The following SLC33A1 variants were observed in gnomAD, a reference collection of about 807,000 sequenced individuals.
The protein encoded by SLC33A1 is solute carrier family 33 member 1, also known as acetyl-coenzyme A transporter 1.
A neutral mutation model predicts 50.0 loss-of-function variants in SLC33A1; 20 were observed. The observed-to-expected ratio is 0.40, with a 90% CI of 0.28 to 0.58. SLC33A1 has a LOEUF of 0.58. Ranked by LOEUF, SLC33A1 falls within the 20% of genes least tolerant of loss-of-function variation. The pLI, the probability that SLC33A1 is intolerant of heterozygous loss-of-function variation, is 0.44. For synonymous variants in SLC33A1, 265 were observed against 251.8 expected, an observed-to-expected ratio of 1.05 and a Z score of -0.50; for missense variants, 476 against 657.0, an observed-to-expected ratio of 0.72 and a Z score of 3.01.
chr3:155,853,835 C>G lies in SLC33A1; in HGVS notation c.163G>C (p.Asp55His), dbSNP rs1440060089. The G allele has an allele frequency of 6.2e-7, 1 of 1,605,318 alleles. No individual in the cohort carries two copies. Among genetic ancestry groups the G allele is most frequent in the Non-Finnish European group, 8.5e-7 (1 of 1,175,262 alleles). Residue 55 changes from aspartate to histidine, a missense_variant, in exon 1 of 6, where the codon GAT becomes CAT. Coordinates refer to ENST00000643144, the MANE Select transcript of SLC33A1 (RefSeq NM_004733.4). Reference sequence around the variant, plus strand: ...TTTAAGAAGTCGCCAGTGCCGGTATCCCCCAGAAGAGCTTCTCTGTCCCCT... The same window carrying G: ...TTTAAGAAGTCGCCAGTGCCGGTATGCCCCAGAAGAGCTTCTCTGTCCCCT... The part of the protein sequence containing the change: ...REGDREALLG[D>H]TGTGDFLKAP...
chr3:155,853,568 G>A lies in SLC33A1; in HGVS notation c.430C>T (p.Leu144Phe). ...VKNFGRRKSWLVPTQYILGLF... is the reference protein window; with the variant it reads ...VKNFGRRKSWFVPTQYILGLF... ...CCTAGTATATACTGTGTCGGGACAA[G>A]CCAAGATTTGCGACGACCGAAGTTC... Residue 144 changes from leucine to phenylalanine, a missense_variant, in exon 1 of 6, where the codon CTT (leucine) becomes TTT (phenylalanine). Leu to Phe is a conservative substitution (Grantham distance 22, BLOSUM62 0). Transcript: ENST00000643144. 1 of 1,614,180 alleles carries A rather than the reference G, an allele frequency of 6.2e-7. No individual in the cohort carries two copies. Among genetic ancestry groups the A allele is most frequent in the Non-Finnish European group, 8.5e-7 (1 of 1,180,014 alleles).
intron 5 of SLC33A1, 39 bp downstream of exon 5, chr3:155,829,649 G>C (rs777777930): frequency 1.5e-6 from 2 of 1,347,368 alleles, no homozygotes; most frequent in Non-Finnish European, 1.1e-6. Context: ...TAATATCTTA[G>C]TATTAGCTTA....
chr3:155,833,694 G>C, intron 3 of SLC33A1, 109 bp from the exon 4 acceptor site: 1 of 937,268 alleles, frequency 1.1e-6, no homozygotes, highest in Non-Finnish European at 1.7e-6. Context: ...ATCTAAACCT[G>C]TTAGGAGGTT....
At chr3:155,830,878 A>G (rs908048503) in intron 4 of SLC33A1, among the ~76,000 whole-genome samples, 2 of 152,238 alleles carry the variant, frequency 1.3e-5, no homozygotes, top group Admixed American at 6.5e-5. Flanking sequence ...AGTACTTAAA[A>G]GGCAAGAATT....
At chr3:155,849,211 G>A (rs1052488002) in intron 1 of SLC33A1, among the ~76,000 whole-genome samples, 12 of 151,820 alleles carry the variant, frequency 7.9e-5, no homozygotes, top group African/African-American at 2.9e-4. Flanking sequence ...CGCTGCACCT[G>A]GCCAGAACAT....
At chr3:155,828,913 T>G (rs574687818) in intron 5 of SLC33A1, among the ~76,000 whole-genome samples, 37 of 151,524 alleles carry the variant, frequency 2.4e-4, no homozygotes, top group African/African-American at 8.5e-4. Flanking sequence ...TTTTTTTTTT[T>G]TTTTTAAGAG....
Position 155,841,806 on chromosome 3 carries a change from G to A in SLC33A1, c.963+626C>T, listed in dbSNP as rs539998220. On this transcript the variant is annotated intron_variant, in intron 2 of 5. Coordinates refer to ENST00000643144, the MANE Select transcript of SLC33A1 (RefSeq NM_004733.4). Reference sequence around the variant, plus strand: ...TCTGTCGCTCCAGCTAGAGTGCCGTGGTGCTATCTCGGCTCACTGCAACCT... The same window carrying A: ...TCTGTCGCTCCAGCTAGAGTGCCGTAGTGCTATCTCGGCTCACTGCAACCT... Among the ~76,000 whole-genome samples, 396 of 151,986 alleles carry A rather than the reference G, an allele frequency of 2.6e-3. 3 individuals carry two copies. The highest frequency in any genetic ancestry group is 4.4e-3 in the Non-Finnish European group (297 of 67,994).
rs1330948137 is a variant in SLC33A1, at chr3:155,827,761, C to G, written c.*449G>C. 6.5e-6 allele frequency: 1 copy of G among 154,226 alleles called. No homozygotes were observed. Among genetic ancestry groups the G allele is most frequent in the Non-Finnish European group, 1.4e-5 (1 of 69,292 alleles). The allele number at this position is 154,226 out of a possible 1,614,324, so 9.6% of individuals were successfully genotyped here. A position where few individuals can be genotyped will look rare whatever the true frequency, so the allele number is the denominator to read the frequency against. The stretch of plus-strand genomic sequence containing the variant: ...TTTACAATTCAAAATAAGATTTTAA[C>G]TGCCAACAATGTCAGACTAGTTGTG... On this transcript the variant is annotated 3_prime_UTR_variant, in exon 6 of 6. Coordinates refer to ENST00000643144, the MANE Select transcript of SLC33A1 (RefSeq NM_004733.4).
At chr3:155,833,024 G>A (rs1752507343) in intron 4 of SLC33A1, among the ~76,000 whole-genome samples, 1 of 152,064 alleles carries the variant, frequency 6.6e-6, no homozygotes, top group Non-Finnish European at 1.5e-5. Flanking sequence ...GGCTGAGACA[G>A]GTGGATCACA....
chr3:155,851,589 A>G (rs1350298717), intron 1 of SLC33A1, among the ~76,000 whole-genome samples: 2 of 149,324 alleles, frequency 1.3e-5, no homozygotes, highest in Non-Finnish European at 3.0e-5. Flanking sequence ...TTTATTTTTG[A>G]GACAGAGTCT....
At chr3:155,849,976 A>T (rs367949610) in intron 1 of SLC33A1, among the ~76,000 whole-genome samples, 24 of 150,300 alleles carry the variant, frequency 1.6e-4, no homozygotes, top group African/African-American at 5.9e-4. Flanking sequence ...GCCTAGAAAT[A>T]CTCTGTGAAT....
At chr3:155,836,280 C>CAAAAAAAAAAAAAAAAAAAAA (rs57460942) in intron 2 of SLC33A1, among the ~76,000 whole-genome samples, 5 of 27,164 alleles carry the variant, frequency 1.8e-4, no homozygotes, top group African/African-American at 4.2e-4. Context: ...GAGACTCTGT[C>CAAAAAAAAAAAAAAAAAAAAA]AAAAAAAAAA....
chr3:155,843,156 G>A (rs1428048369), intron 1 of SLC33A1, among the ~76,000 whole-genome samples: 2 of 152,116 alleles, frequency 1.3e-5, no homozygotes, highest in Non-Finnish European at 2.9e-5. Context: ...AGGGGGTGGT[G>A]AGACATTACA....
In SLC33A1 at chr3:155,821,026, T is replaced by A. The variant is rs1752072143; in HGVS notation, c.*7184A>T. 1 of 152,152 alleles carries A rather than the reference T, an allele frequency of 6.6e-6. No individual in the cohort carries two copies. Among genetic ancestry groups the A allele is most frequent in the African/African-American group, 2.4e-5 (1 of 41,444 alleles). 9.4% of individuals were successfully genotyped at this position (152,152 alleles called of 1,614,324 possible). A position where few individuals can be genotyped will look rare whatever the true frequency, so the allele number is the denominator to read the frequency against. On this transcript the variant is annotated 3_prime_UTR_variant, in exon 6 of 6. Coordinates refer to ENST00000643144, the MANE Select transcript of SLC33A1 (RefSeq NM_004733.4). ...TTAATAAAAATGAAAACAAGATATT[T>A]CATTAATGTTTTATTTTTTAGAGAA...
chr3:155,845,712 G>A (rs900735649), intron 1 of SLC33A1, among the ~76,000 whole-genome samples: 2 of 152,168 alleles, frequency 1.3e-5, no homozygotes, highest in African/African-American at 4.8e-5. Context: ...ATGATAGCCA[G>A]TAGTCTTATT....
In SLC33A1 at chr3:155,841,048, CT is replaced by C. The variant is rs1386902091; in HGVS notation, c.963+1383del. ...TTTCATATTTTCTGAACTTTCCATT[CT>C]TTTTTTTTTTCTTGAGACCCCTGTC... On this transcript the variant is annotated intron_variant, in intron 2 of 5. Transcript: ENST00000643144. 7.1e-3 allele frequency among the ~76,000 whole-genome samples: 1,043 copies of C among 146,064 alleles called. 18 individuals carry two copies. Among genetic ancestry groups the C allele is most frequent in the African/African-American group, 0.024 (951 of 40,026 alleles).
chr3:155,844,169 AT>A (rs1302443527), intron 1 of SLC33A1, among the ~76,000 whole-genome samples: 1 of 152,070 alleles, frequency 6.6e-6, no homozygotes, highest in African/African-American at 2.4e-5. Context: ...AGACAGCATT[AT>A]TTGTTTAGAT....
rs762010317 is a variant in SLC33A1, at chr3:155,853,797, G to C, written c.201C>G (p.Ser67Arg). The C allele has an allele frequency of 9.3e-6, 15 of 1,612,426 alleles. No individual in the cohort carries two copies. Among genetic ancestry groups the C allele is most frequent in the South Asian group, 1.1e-5 (1 of 91,066 alleles). ...GTGDFLKAPQ[S>R]FRAELSSILL... ...AAATGCTGCTTAGTTCGGCCCGGAA[G>C]CTCTGTGGGGCTTTTAAGAAGTCGC... The change falls in exon 1 of 6, where the codon AGC (serine) becomes AGG (arginine). Residue 67 changes from serine (S) to arginine (R), a missense_variant. By Grantham distance (110) the Ser-to-Arg change is moderately radical (BLOSUM62 -1). Transcript: ENST00000643144.
At position 155,853,865 on chromosome 3, in the gene SLC33A1, G is replaced by C. The variant is rs1407731216; in HGVS notation, c.133C>G (p.Arg45Gly). ...AGAAGAGCTTCTCTGTCCCCTTCCC[G>C]GCCCGCTGAGTCCAAATGACTGTCA... ...WDDSHLDSAG[R>G]EGDREALLGD... The change falls in exon 1 of 6, where the codon CGG becomes GGG. Residue 45 changes from arginine to glycine, a missense_variant. Transcript: ENST00000643144. 6.3e-7 allele frequency: 1 copy of C among 1,579,506 alleles called. No homozygotes were observed. Among genetic ancestry groups the C allele is most frequent in the Non-Finnish European group, 8.6e-7 (1 of 1,162,764 alleles).
Sources: gnomAD v4.1 joint callset for allele counts (sites outside exome capture counted in the v4.1 genomes callset) on GRCh38, gnomAD v4.1.1 for gene constraint, MANE v1.5 for transcripts, NCBI Gene and HGNC (gene_info 2026-07-23, HGNC 2026-07-21) for gene names.